Variants in TLN1 observed in about 807,000 individuals in gnomAD.
TLN1 encodes talin 1.
Under a neutral mutation model 292.3 loss-of-function variants are expected in TLN1, and 56 were observed. The observed-to-expected ratio is 0.19, with a 90% CI of 0.15 to 0.24. The LOEUF (loss-of-function observed/expected upper bound fraction) is 0.24, where lower values mean the gene tolerates loss of function less well. Among genes scored for constraint, TLN1 ranks in the 10% least tolerant of loss-of-function variants. The pLI is 1.00. For synonymous variants in TLN1, 1,119 were observed against 1,253.7 expected, an observed-to-expected ratio of 0.89 and a Z score of 2.27; for missense variants, 2,433 against 3,248.2, an observed-to-expected ratio of 0.75 and a Z score of 6.10.
In TLN1 at chr9:35,707,094, T is replaced by C. The variant is rs1353754465; in HGVS notation, c.4933A>G (p.Lys1645Glu). The C allele has an allele frequency of 2.5e-6, 4 of 1,612,658 alleles. No homozygotes were observed. The highest frequency in any genetic ancestry group is 3.4e-6 in the Non-Finnish European group (4 of 1,179,674). The change falls in exon 37 of 57, where the codon AAG becomes GAG. Residue 1645 changes from lysine (K) to glutamate (E), a missense_variant. Coordinates refer to ENST00000314888, the MANE Select transcript of TLN1 (RefSeq NM_006289.4). The surrounding 1 kb of genome is among the most constrained non-coding windows in gnomAD (Gnocchi z 5.6). ...TACCTCATGCTTGTAATTAGCTTCT[T>C]GATGGAGTCTGAGACAGTACGGGAG... is the stretch of plus-strand genomic sequence containing the variant. The part of the protein sequence containing the change: ...GHSRTVSDSI[K>E]KLITSMRDKA...
At position 35,699,109 on chromosome 9, in the gene TLN1, C is replaced by G. The variant is rs778203119; in HGVS notation, c.6922G>C (p.Glu2308Gln). 1 of 1,613,916 alleles carries G rather than the reference C, an allele frequency of 6.2e-7. No homozygotes were observed. The highest frequency in any genetic ancestry group is 8.5e-7 in the Non-Finnish European group (1 of 1,179,898). The change falls in exon 52 of 57, where the codon GAG (glutamate) becomes CAG (glutamine). Residue 2308 changes from glutamate to glutamine, a missense_variant. Coordinates refer to ENST00000314888, the MANE Select transcript of TLN1 (RefSeq NM_006289.4). The surrounding 1 kb of genome is among the most constrained non-coding windows in gnomAD (Gnocchi z 4.0). ...PEDPTVIAEN[E>Q]LLGAAAAIEA... is the part of the protein sequence containing the mutation. ...ATGGCGGCTGCAGCTCCCAGGAGCT[C>G]ATTCTCAGCAATGACTGTGGGGTCC...
chr9:35,725,742 C>T lies in TLN1; in HGVS notation c.-33-15G>A, dbSNP rs780832869. 1.2e-6 allele frequency: 2 copies of T among 1,606,492 alleles called. No individual in the cohort carries two copies. The highest frequency in any genetic ancestry group is 1.7e-6 in the Non-Finnish European group (2 of 1,176,400). On this transcript the variant is annotated splice_polypyrimidine_tract_variant and intron_variant, in intron 1 of 56. Coordinates refer to ENST00000314888, the MANE Select transcript of TLN1 (RefSeq NM_006289.4). ...CCTGGCTATACCTGACCCATGGCAT[C>T]AGGGCATTAGAATACACTCTTCTGG...
At chr9:35,709,785 G>A (rs1825628723) in intron 33 of TLN1, among the ~76,000 whole-genome samples, 1 of 149,520 alleles carries the variant, frequency 6.7e-6, no homozygotes, top group African/African-American at 2.5e-5. Context: ...TACACGGGAG[G>A]CTGAGGCAGG....
chr9:35,716,605 G>A (rs762780867), intron 19 of TLN1, 49 bp from the exon 20 acceptor site: 1 of 1,594,998 alleles, frequency 6.3e-7, no homozygotes. Flanking sequence ...ACACTGAGGT[G>A]TCAGGGGTGG....
At chr9:35,716,260 G>T in intron 20 of TLN1, 130 bp downstream of exon 20, 1 of 966,122 alleles carries the variant, frequency 1.0e-6, no homozygotes, top group Non-Finnish European at 1.5e-6. Context: ...CATTTCCTGA[G>T]TGCTCCTATA....
In TLN1 at chr9:35,713,976, G is replaced by A. The variant is rs887606125; in HGVS notation, c.3226C>T (p.Leu1076Phe). 6.2e-7 allele frequency: 1 copy of A among 1,614,064 alleles called. No homozygotes were observed. Among genetic ancestry groups the A allele is most frequent in the Non-Finnish European group, 8.5e-7 (1 of 1,180,032 alleles). Reference protein sequence around the residue: ...EVKAAARDGKLKPLPGETMEK... With the variant: ...EVKAAARDGKFKPLPGETMEK... The stretch of plus-strand genomic sequence containing the variant: ...ACTGTCTCCCCAGGTAAGGGTTTAA[G>A]CTTGCCATCTCGAGCTGCTGCCTTC... The change falls in exon 25 of 57, where the codon CTT becomes TTT. Residue 1076 changes from leucine (L) to phenylalanine (F), a missense_variant. By Grantham distance (22) the Leu-to-Phe change is conservative. Coordinates refer to ENST00000314888, the MANE Select transcript of TLN1 (RefSeq NM_006289.4).
In TLN1 at chr9:35,699,510, A is replaced by G; in HGVS notation, c.6769-49T>C. Reference sequence around the variant, plus strand: ...CAAAGAGCATCACATCTTAGGGTCTACCCTGATCTATGAAATAGGGCAGAC... The same window carrying G: ...CAAAGAGCATCACATCTTAGGGTCTGCCCTGATCTATGAAATAGGGCAGAC... On this transcript the variant is annotated intron_variant, in intron 50 of 56. Transcript: ENST00000314888. This position sits in a 1 kb window ranked among gnomAD's most constrained non-coding sequence, Gnocchi z 4.0. 4.5e-6 allele frequency: 7 copies of G among 1,569,672 alleles called. No individual in the cohort carries two copies. Among genetic ancestry groups the G allele is most frequent in the Non-Finnish European group, 6.1e-6 (7 of 1,155,630 alleles).
Position 35,713,352 on chromosome 9 carries a change from G to A in TLN1, c.3250-54C>T, listed in dbSNP as rs952076271. On this transcript the variant is annotated intron_variant, in intron 25 of 56. Coordinates refer to ENST00000314888, the MANE Select transcript of TLN1 (RefSeq NM_006289.4). The stretch of plus-strand genomic sequence containing the variant: ...TGAGAAAGGAGAAGGTGAGGAGAAG[G>A]AACCTGAGAAGGTACTTGGGGACAG... 8.4e-6 allele frequency: 12 copies of A among 1,423,092 alleles called. No individual in the cohort carries two copies. The South Asian group carries it at 1.5e-4, about 18-fold the overall frequency. 88.2% of individuals were successfully genotyped at this position (1,423,092 alleles called of 1,614,324 possible).
Position 35,698,517 on chromosome 9 carries a change from A to C in TLN1, c.7189-12T>G. 2 of 1,613,550 alleles carry C rather than the reference A, an allele frequency of 1.2e-6. No individual in the cohort carries two copies. Among genetic ancestry groups the C allele is most frequent in the Non-Finnish European group, 1.7e-6 (2 of 1,179,628 alleles). On this transcript the variant is annotated splice_polypyrimidine_tract_variant and intron_variant, in intron 54 of 56. Transcript: ENST00000314888. The surrounding 1 kb of genome is among the most constrained non-coding windows in gnomAD (Gnocchi z 5.3). ...GCCACCATCCGGGCCTAAAGCAGGG[A>C]GAGTTTGCTTAAAAATATGCCCCTT...
rs1206730482 is a variant in TLN1, at chr9:35,719,203, A to C, written c.1767T>G (p.Arg589=). The part of the protein sequence containing the change: ...TISSNLTEMS[R]GVKLLAALLE... ...GCAAGGCAGCCAGCAGCTTCACCCC[A>C]CGGGACATCTCCGTCAGGTTGGAGG... Residue 589 remains arginine (R), a synonymous_variant, in exon 16 of 57, where the codon CGT becomes CGG. Transcript: ENST00000314888. The surrounding 1 kb of genome is among the most constrained non-coding windows in gnomAD (Gnocchi z 4.6). 1 of 1,614,134 alleles carries C rather than the reference A, an allele frequency of 6.2e-7. No individual in the cohort carries two copies. Among genetic ancestry groups the C allele is most frequent in the Non-Finnish European group, 8.5e-7 (1 of 1,180,012 alleles).
Position 35,698,750 on chromosome 9 carries a change from G to C in TLN1, c.7125+58C>G. 6.2e-7 allele frequency: 1 copy of C among 1,613,828 alleles called. No individual in the cohort carries two copies. Among genetic ancestry groups the C allele is most frequent in the Admixed American group, 1.7e-5 (1 of 60,014 alleles). On this transcript the variant is annotated intron_variant, in intron 53 of 56. Transcript: ENST00000314888. The surrounding 1 kb of genome is among the most constrained non-coding windows in gnomAD (Gnocchi z 5.3). ...TCAAAGACTCGCTGGCTATGGATGT[G>C]GATGTGGACATCAAAGTGCCAACCT... is the stretch of plus-strand genomic sequence containing the variant.
chr9:35,702,674 G>A (rs1825485752), intron 48 of TLN1, among the ~76,000 whole-genome samples: 1 of 151,872 alleles, frequency 6.6e-6, no homozygotes, highest in African/African-American at 2.4e-5. Flanking sequence ...TGTATTTTTA[G>A]TAGAGACGGG....
chr9:35,716,082 G>A (rs1225959913), intron 20 of TLN1, among the ~76,000 whole-genome samples: 1 of 151,806 alleles, frequency 6.6e-6, no homozygotes, highest in East Asian at 1.9e-4. Context: ...TAGGCCAGGT[G>A]TGGTGGCTCA....
Position 35,698,523 on chromosome 9 carries a change from T to C in TLN1, c.7189-18A>G. ...ATCCGGGCCTAAAGCAGGGAGAGTT[T>C]GCTTAAAAATATGCCCCTTGCCCTG... On this transcript the variant is annotated intron_variant, in intron 54 of 56. Coordinates refer to ENST00000314888, the MANE Select transcript of TLN1 (RefSeq NM_006289.4). The surrounding 1 kb of genome is among the most constrained non-coding windows in gnomAD (Gnocchi z 5.3). 1 of 1,613,488 alleles carries C rather than the reference T, an allele frequency of 6.2e-7. No homozygotes were observed. Among genetic ancestry groups the C allele is most frequent in the Non-Finnish European group, 8.5e-7 (1 of 1,179,582 alleles).
Position 35,714,926 on chromosome 9 carries a change from C to G in TLN1, c.2755-50G>C. 8.1e-6 allele frequency: 13 copies of G among 1,602,614 alleles called. No homozygotes were observed. Among genetic ancestry groups the G allele is most frequent in the Non-Finnish European group, 1.1e-5 (13 of 1,173,852 alleles). Reference sequence around the variant, plus strand: ...CAAGCCCATGGATTCCCATGCCCAGCCCAGTCCCTGGCCTACCTTGCCCAG... The same window carrying G: ...CAAGCCCATGGATTCCCATGCCCAGGCCAGTCCCTGGCCTACCTTGCCCAG... On this transcript the variant is annotated intron_variant, in intron 21 of 56. Coordinates refer to ENST00000314888, the MANE Select transcript of TLN1 (RefSeq NM_006289.4). The surrounding 1 kb of genome is among the most constrained non-coding windows in gnomAD (Gnocchi z 4.6).
At chr9:35,731,342 C>T (rs1429220308) in intron 1 of TLN1, among the ~76,000 whole-genome samples, 1 of 152,174 alleles carries the variant, frequency 6.6e-6, no homozygotes, top group Non-Finnish European at 1.5e-5. Flanking sequence ...CTTGGACATT[C>T]ATCCCTTTCC....
chr9:35,714,150 A>G lies in TLN1; in HGVS notation c.3121-69T>C, dbSNP rs1825734387. 1.2e-6 allele frequency: 2 copies of G among 1,604,454 alleles called. No homozygotes were observed. The highest frequency in any genetic ancestry group is 1.7e-6 in the Non-Finnish European group (2 of 1,172,546). ...TCTCACCAATGCCTCTGATTACACA[A>G]TTATCTGCGTATTGGGTTATTCTGC... On this transcript the variant is annotated intron_variant, in intron 24 of 56. Transcript: ENST00000314888. This position sits in a 1 kb window ranked among gnomAD's most constrained non-coding sequence, Gnocchi z 4.6.
In TLN1 at chr9:35,705,762, G is replaced by A. The variant is rs11541908; in HGVS notation, c.5601C>T (p.Thr1867=). The A allele has an allele frequency of 0.25, 406,520 of 1,614,048 alleles. 53,985 individuals are homozygous for A. Among genetic ancestry groups the A allele is most frequent in the Non-Finnish European group, 0.27 (322,483 of 1,179,982 alleles). The change falls in exon 42 of 57, where the codon ACC becomes ACT. Residue 1867 remains threonine (T), a synonymous_variant. Coordinates refer to ENST00000314888, the MANE Select transcript of TLN1 (RefSeq NM_006289.4). ...MVRTAKAIAV[T]VQEMVTKSNT... Reference sequence around the variant, plus strand: ...CGCCCAAACTCACCATCTCCTGAACGGTCACTGCAATGGCCTTGGCTGTCC... The same window carrying A: ...CGCCCAAACTCACCATCTCCTGAACAGTCACTGCAATGGCCTTGGCTGTCC...
At position 35,697,877 on chromosome 9, in the gene TLN1, C is replaced by G. The variant is rs1195830701; in HGVS notation, c.7540G>C (p.Glu2514Gln). The G allele has an allele frequency of 1.2e-6, 2 of 1,614,092 alleles. No homozygotes were observed. Among genetic ancestry groups the G allele is most frequent in the African/African-American group, 2.7e-5 (2 of 74,930 alleles). ...AQEEMLRKER[E>Q]LEEARKKLAQ... Reference sequence around the variant, plus strand: ...AGTTTCTTCCGCGCCTCTTCCAGCTCTCGTTCCTTCCGAAGCATTTCTTCC... The same window carrying G: ...AGTTTCTTCCGCGCCTCTTCCAGCTGTCGTTCCTTCCGAAGCATTTCTTCC... The change falls in exon 57 of 57, where the codon GAG becomes CAG. Residue 2514 changes from glutamate to glutamine, a missense_variant. Around this residue, in one of 7 missense-constraint regions of TLN1, gnomAD observed 141 missense variants for 248.5 expected, o/e 0.57. Coordinates refer to ENST00000314888, the MANE Select transcript of TLN1 (RefSeq NM_006289.4).
Sources: gnomAD v4.1 joint callset for allele counts (sites outside exome capture counted in the v4.1 genomes callset) on GRCh38, gnomAD v4.1.1 for gene constraint, gnomAD v4.1.1 regional missense constraint, Gnocchi (gnomAD v3.1) non-coding constraint, MANE v1.5 for transcripts, NCBI Gene and HGNC (gene_info 2026-07-23, HGNC 2026-07-21) for gene names.